SMG5: variants seen among roughly 807,000 people sequenced by gnomAD.
SMG5 encodes SMG5 nonsense mediated mRNA decay factor, also known as nonsense-mediated mRNA decay factor SMG5.
In SMG5, 53 loss-of-function variants were observed where a neutral mutation model predicts 122.9. The ratio of observed to expected loss-of-function variants is 0.43; its 90% CI spans 0.35 to 0.54. The LOEUF (loss-of-function observed/expected upper bound fraction) is 0.54, where lower values mean the gene tolerates loss of function less well. SMG5 is among the 20% of genes least tolerant of loss of function. SMG5 has a pLI of 0.01. For synonymous variants in SMG5, 477 were observed against 490.2 expected (o/e 0.97, Z 0.35); for missense variants, 1,153 against 1,285.6 (o/e 0.90, Z 1.58).
chr1:156,252,307 C>A, intron 19 of SMG5, 107 bp downstream of exon 19: 1 of 931,664 alleles, frequency 1.1e-6, no homozygotes. Flanking sequence ...TGAGTAGAGA[C>A]GGGTATGTAT....
intron 15 of SMG5, among the ~76,000 whole-genome samples, chr1:156,260,096 T>C (rs1398476177): frequency 6.6e-6 from 1 of 152,148 alleles, no homozygotes; most frequent in Non-Finnish European, 1.5e-5. Context: ...TCTATGATTG[T>C]TTGATGTTCA....
chr1:156,258,808 A>G (rs887468302), intron 16 of SMG5, among the ~76,000 whole-genome samples, 197 bp downstream of exon 16: 1 of 151,426 alleles, frequency 6.6e-6, no homozygotes, highest in East Asian at 1.9e-4. Flanking sequence ...AAAAAAAAAA[A>G]ACCCCTCTCA....
chr1:156,275,543 A>G (rs1662643814), intron 4 of SMG5, among the ~76,000 whole-genome samples: 1 of 152,226 alleles, frequency 6.6e-6, no homozygotes. Flanking sequence ...CAGAGTTAGG[A>G]TACAAAAGGC....
At chr1:156,278,784 C>G in intron 2 of SMG5, 152 bp downstream of exon 2, 1 of 657,570 alleles carries the variant, frequency 1.5e-6, no homozygotes. Context: ...GATCCTATCT[C>G]CTCTCTTAGG....
chr1:156,257,538 G>C (rs1362683464), intron 16 of SMG5, among the ~76,000 whole-genome samples: 1 of 152,058 alleles, frequency 6.6e-6, no homozygotes, highest in Non-Finnish European at 1.5e-5. Flanking sequence ...AGAGCTTTAG[G>C]CTAGAGGAAA....
chr1:156,291,343 G>A, the SMG5 span: 1 of 1,588,508 alleles, frequency 6.3e-7, no homozygotes, highest in Non-Finnish European at 8.6e-7. Flanking sequence ...CAGCTGACGC[G>A]CTTCCCTCGA....
intron 16 of SMG5, 173 bp from the exon 17 acceptor site, chr1:156,253,681 TG>T: frequency 1.5e-6 from 1 of 654,622 alleles, no homozygotes; most frequent in Non-Finnish European, 2.8e-6. Flanking sequence ...ATTCTTCCAC[TG>T]CACTCTGAAC....
rs895192681 is a variant in SMG5 at position 156,272,469 on chromosome 1, C to T, written c.635-71G>A. 5 of 1,302,626 alleles carry T rather than the reference C, an allele frequency of 3.8e-6. No homozygotes were observed. The African/African-American group carries it at 4.4e-5, about 11-fold the overall frequency. The allele number at this position is 1,302,626 out of a possible 1,614,324, so 80.7% of individuals were successfully genotyped here. On this transcript the variant is annotated intron_variant, in intron 6 of 21. Coordinates refer to ENST00000361813, the MANE Select transcript of SMG5 (RefSeq NM_015327.3). Reference sequence around the variant, plus strand: ...TCAAAGCTGCCAGGCCCAACCAATGCTAAGCATCAGAGAACCTGTAGGGAG... The same window carrying T: ...TCAAAGCTGCCAGGCCCAACCAATGTTAAGCATCAGAGAACCTGTAGGGAG...
chr1:156,250,605 C>A lies in SMG5; in HGVS notation c.3033G>T (p.Gln1011His). 6.2e-7 allele frequency: 1 copy of A among 1,614,194 alleles called. No individual in the cohort carries two copies. Among genetic ancestry groups the A allele is most frequent in the Non-Finnish European group, 8.5e-7 (1 of 1,180,042 alleles). Residue 1011 changes from glutamine to histidine, a missense_variant, in exon 22 of 22, where the codon CAG becomes CAT. Physicochemically the swap from Gln to His is conservative, Grantham distance 24. Coordinates refer to ENST00000361813, the MANE Select transcript of SMG5 (RefSeq NM_015327.3). The stretch of plus-strand genomic sequence containing the variant: ...GTCAGTATCAACCAATTTCCTTCCA[C>A]TGCTTGTAGAAGTCCAGAACATTCT... ...DIKNVLDFYK[Q>H]WKEIG is the part of the protein sequence containing the mutation.
intron 19 of SMG5, 117 bp downstream of exon 19, chr1:156,252,297 T>A: frequency 1.2e-6 from 1 of 855,776 alleles, no homozygotes; most frequent in East Asian, 2.5e-5. Context: ...GAGCTAACTG[T>A]GAGTAGAGAC....
At chr1:156,274,488 A>G (rs1662588141) in intron 5 of SMG5, 109 bp downstream of exon 5, 1 of 986,126 alleles carries the variant, frequency 1.0e-6, no homozygotes, top group African/African-American at 1.6e-5. Context: ...TCAGAAGCCA[A>G]ACTATCCCTC....
At chr1:156,252,882 G>GTC in intron 18 of SMG5, 37 bp downstream of exon 18, 1 of 1,503,080 alleles carries the variant, frequency 6.7e-7, no homozygotes, top group Non-Finnish European at 8.9e-7. Context: ...ATCTCTTTTA[G>GTC]TCATACTCTG....
chr1:156,265,342 A>C (rs1030196364), intron 12 of SMG5, among the ~76,000 whole-genome samples: 2 of 152,202 alleles, frequency 1.3e-5, no homozygotes, highest in African/African-American at 4.8e-5. Flanking sequence ...TGCATAGAGT[A>C]GCCTTAACAA....
At chr1:156,264,649 G>C (rs1056159191) in intron 12 of SMG5, among the ~76,000 whole-genome samples, 2 of 152,136 alleles carry the variant, frequency 1.3e-5, no homozygotes, top group Non-Finnish European at 2.9e-5. Flanking sequence ...AAAATCTAGT[G>C]GGGGCAAGTA....
At chr1:156,287,576 G>C (rs930582858), upstream of SMG5, among the ~76,000 whole-genome samples, 7 of 149,466 alleles carry the variant, frequency 4.7e-5, no homozygotes, top group African/African-American at 1.5e-4. Context: ...AAGGATGTGT[G>C]AGCTCTCCTC....
rs1417849529 is a variant in SMG5 at position 156,250,947 on chromosome 1, C to T, written c.2878G>A (p.Gly960Arg). ...DSCKQLTLAQ[G>R]AGEEDPSGMV... ...CCACTCGGATCCTCCTCACCTGCCC[C>T]CTGGGCCAGAGTCAGCTGTTTGCAG... Residue 960 changes from glycine to arginine, a missense_variant, in exon 21 of 22, where the codon GGG becomes AGG. Gly to Arg is a moderately radical substitution (Grantham distance 125). Transcript: ENST00000361813. The T allele has an allele frequency of 6.2e-7, 1 of 1,614,006 alleles. No homozygotes were observed.
intron 13 of SMG5, 83 bp downstream of exon 13, chr1:156,263,312 G>T: frequency 6.8e-7 from 1 of 1,460,938 alleles, no homozygotes; most frequent in South Asian, 1.3e-5. Context: ...GGCCATCAGG[G>T]GGGATCCTCA....
rs1413633599 is a variant in SMG5, at chr1:156,260,632, C to A, written c.2108-6G>T. On this transcript the variant is annotated splice_region_variant and splice_polypyrimidine_tract_variant and intron_variant, in intron 14 of 21. Coordinates refer to ENST00000361813, the MANE Select transcript of SMG5 (RefSeq NM_015327.3). ...CTCAGGACACAAGGCCAGGCCTGGG[C>A]AGAAGAAGGACACATAAGACCATCT... 2.0e-6 allele frequency: 3 copies of A among 1,493,712 alleles called. No individual in the cohort carries two copies. Among genetic ancestry groups the A allele is most frequent in the African/African-American group, 1.4e-5 (1 of 69,610 alleles). 92.5% of individuals were successfully genotyped at this position (1,493,712 alleles called of 1,614,324 possible).
At chr1:156,286,514 T>G (rs1386420036), upstream of SMG5, 1 of 1,598,246 alleles carries the variant, frequency 6.3e-7, no homozygotes, top group African/African-American at 1.3e-5. Context: ...GAGGGGATGG[T>G]GCTAGAGAAC....
Sources: allele counts gnomAD v4.1 joint callset (sites outside exome capture counted in the v4.1 genomes callset), GRCh38; gene constraint gnomAD v4.1.1; transcripts MANE v1.5; gene names NCBI Gene and HGNC (gene_info 2026-07-23, HGNC 2026-07-21).